SLIT3: variants seen among roughly 807,000 people sequenced by gnomAD.
SLIT3 encodes the protein slit guidance ligand 3.
SLIT3 carries 68 observed loss-of-function variants against 184.0 expected under a neutral mutation model. That is an observed-to-expected ratio of 0.37 (90% CI 0.30 to 0.45). SLIT3 has a LOEUF of 0.45. Ranked by LOEUF, SLIT3 falls within the 20% of genes least tolerant of loss-of-function variation. The pLI is 1.00. For missense variants in SLIT3, 1,707 were observed against 2,026.0 expected, an observed-to-expected ratio of 0.84 and a Z score of 3.02; for synonymous variants, 831 against 828.6, an observed-to-expected ratio of 1.00 and a Z score of -0.05.
chr5:168,738,734 C>T (rs1269511322), intron 20 of SLIT3, among the ~76,000 whole-genome samples: 1 of 152,060 alleles, frequency 6.6e-6, no homozygotes, highest in Non-Finnish European at 1.5e-5. Context: ...GTCAGGAGAT[C>T]GAGACCATCC....
chr5:169,152,895 C>A (rs750275965), intron 4 of SLIT3, among the ~76,000 whole-genome samples: 7 of 152,200 alleles, frequency 4.6e-5, no homozygotes, highest in Non-Finnish European at 8.8e-5. Flanking sequence ...CCCAAGGAAG[C>A]AGCCAAAGGG....
At chr5:169,192,562 T>A (rs923268915) in intron 4 of SLIT3, among the ~76,000 whole-genome samples, 1 of 152,138 alleles carries the variant, frequency 6.6e-6, no homozygotes, top group Non-Finnish European at 1.5e-5. Flanking sequence ...ATATGCAGTG[T>A]TTGGCTGCAC....
Position 168,999,977 on chromosome 5 carries a change from T to C in SLIT3, c.414-116641A>G, listed in dbSNP as rs547435028. 1.7e-4 allele frequency among the ~76,000 whole-genome samples: 26 copies of C among 152,316 alleles called. No homozygotes were observed. The East Asian group carries it at 4.6e-3, about 27-fold the overall frequency. On this transcript the variant is annotated intron_variant, in intron 4 of 35. Coordinates refer to ENST00000519560, the MANE Select transcript of SLIT3 (RefSeq NM_003062.4). ...TGATTTTTTCCACTTGGGGTCTGGG[T>C]ATCCCCATCCTTCTTAGGAAATAGC...
chr5:168,727,949 C>T (rs1279552097), intron 20 of SLIT3, among the ~76,000 whole-genome samples: 1 of 152,102 alleles, frequency 6.6e-6, no homozygotes, highest in Non-Finnish European at 1.5e-5. Flanking sequence ...ATGAGCAGGA[C>T]AGGCAGAGAA....
At chr5:169,121,002 T>C (rs924607317) in intron 4 of SLIT3, among the ~76,000 whole-genome samples, 1 of 152,178 alleles carries the variant, frequency 6.6e-6, no homozygotes, top group Non-Finnish European at 1.5e-5. Flanking sequence ...ACATGGAACA[T>C]ACTATATTTT....
Position 168,806,568 on chromosome 5 carries a change from T to A in SLIT3, c.813A>T (p.Pro271=), listed in dbSNP as rs766780107. ...YVCPAPHSEP[P]SCNANSISCP... ...AGGAGATGGAGTTGGCATTGCAGGA[T>A]GGGGGCTCCGAGTGGGGGGCTGTGG... Residue 271 remains proline, a synonymous_variant, in exon 9 of 36, where the codon CCA becomes CCT. Coordinates refer to ENST00000519560, the MANE Select transcript of SLIT3 (RefSeq NM_003062.4). The A allele has an allele frequency of 1.2e-6, 2 of 1,613,968 alleles. No individual in the cohort carries two copies. The highest frequency in any genetic ancestry group is 2.7e-5 in the African/African-American group (2 of 74,912).
At chr5:168,985,569 A>G (rs941359615) in intron 4 of SLIT3, among the ~76,000 whole-genome samples, 1 of 151,738 alleles carries the variant, frequency 6.6e-6, no homozygotes, top group African/African-American at 2.4e-5. Flanking sequence ...TTGCAGGTCC[A>G]CTCCTCCCTA....
intron 4 of SLIT3, chr5:169,037,663 A>C (rs1013974493): frequency 6.6e-6 from 1 of 152,226 alleles, no homozygotes; most frequent in African/African-American, 2.4e-5. Context: ...ATATAACTCC[A>C]TCCAGCTTCA....
At chr5:169,187,554 T>C (rs1763396143) in intron 4 of SLIT3, among the ~76,000 whole-genome samples, 2 of 76,088 alleles carry the variant, frequency 2.6e-5, no homozygotes, top group East Asian at 5.3e-4. Flanking sequence ...TTTCTTTCTT[T>C]CTTTCTTTTT....
chr5:169,170,234 T>C (rs1762774533), intron 4 of SLIT3, among the ~76,000 whole-genome samples: 1 of 152,218 alleles, frequency 6.6e-6, no homozygotes, highest in Admixed American at 6.5e-5. Context: ...ACAATGTTGC[T>C]AGGCACCCTA....
chr5:169,227,574 C>T (rs181497949), intron 3 of SLIT3, among the ~76,000 whole-genome samples: 18 of 152,230 alleles, frequency 1.2e-4, no homozygotes, highest in Admixed American at 7.8e-4. Context: ...ATTACAGGCA[C>T]GCACCACCAC....
chr5:169,211,380 T>C (rs1764259575), intron 3 of SLIT3, among the ~76,000 whole-genome samples: 1 of 152,154 alleles, frequency 6.6e-6, no homozygotes, highest in Non-Finnish European at 1.5e-5. Context: ...AATCAGGTAA[T>C]TCCTTTGCTC....
intron 1 of SLIT3, among the ~76,000 whole-genome samples, chr5:169,280,121 G>A (rs1766947163): frequency 6.6e-6 from 1 of 152,204 alleles, no homozygotes; most frequent in African/African-American, 2.4e-5. Context: ...TTTCTTGTAA[G>A]CTGCCCAGCT....
chr5:168,845,498 T>C (rs17070549), intron 5 of SLIT3, among the ~76,000 whole-genome samples: 5,425 of 148,100 alleles, frequency 0.037, 143 homozygotes, highest in Middle Eastern at 0.069. Flanking sequence ...TCCTTTGTAA[T>C]TTCCCTTTCC....
chr5:169,256,980 G>C (rs1316051229), intron 1 of SLIT3, among the ~76,000 whole-genome samples: 1 of 151,232 alleles, frequency 6.6e-6, no homozygotes, highest in African/African-American at 2.4e-5. Context: ...TGGCAGACTG[G>C]TGAGTTGTTT....
chr5:168,879,899 C>A (rs1473344473), intron 5 of SLIT3, among the ~76,000 whole-genome samples: 2 of 152,192 alleles, frequency 1.3e-5, no homozygotes, highest in African/African-American at 4.8e-5. Flanking sequence ...ATATATCTTA[C>A]TCCCTGCTGT....
At chr5:169,176,628 A>T (rs1470459962) in intron 4 of SLIT3, among the ~76,000 whole-genome samples, 1 of 152,246 alleles carries the variant, frequency 6.6e-6, no homozygotes, top group African/African-American at 2.4e-5. Context: ...AATAAGGATC[A>T]GAGATCAGTA....
rs568579083 is a variant in SLIT3, at chr5:169,205,127, C to T, written c.342-11577G>A. ...TAATGAGGGAGGGGGCCTCATTAAG[C>T]GGGTGAGGAATGGTGACAAACGACA... On this transcript the variant is annotated intron_variant, in intron 3 of 35. Transcript: ENST00000519560. Among the ~76,000 whole-genome samples the T allele has an allele frequency of 2.2e-4, 33 of 152,252 alleles. No individual in the cohort carries two copies. The South Asian group carries it at 4.0e-3, about 18-fold the overall frequency.
chr5:169,088,197 C>A (rs1759391935), intron 4 of SLIT3, among the ~76,000 whole-genome samples: 1 of 152,178 alleles, frequency 6.6e-6, no homozygotes, highest in South Asian at 2.1e-4. Context: ...ACTCTATCTC[C>A]TGCAGTGTGT....
Sources: allele counts gnomAD v4.1 joint callset (sites outside exome capture counted in the v4.1 genomes callset), GRCh38; gene constraint gnomAD v4.1.1; transcripts MANE v1.5; gene names NCBI Gene and HGNC (gene_info 2026-07-23, HGNC 2026-07-21).